Variants in DAB1 observed in about 807,000 individuals in gnomAD.
DAB1 encodes the protein disabled homolog 1.
In DAB1, 15 loss-of-function variants were observed where a neutral mutation model predicts 64.6. That is an observed-to-expected ratio of 0.23 (90% CI 0.16 to 0.36). The LOEUF (loss-of-function observed/expected upper bound fraction) is 0.36. DAB1 is among the 10% of genes least tolerant of loss of function. The pLI is 1.00. For missense variants in DAB1, 596 were observed against 706.7 expected, an observed-to-expected ratio of 0.84 and a Z score of 1.78; for synonymous variants, 235 against 251.9, an observed-to-expected ratio of 0.93 and a Z score of 0.64.
intron 5 of DAB1, among the ~76,000 whole-genome samples, chr1:58,146,337 G>A (rs977397743): frequency 3.9e-5 from 6 of 152,014 alleles, no homozygotes; most frequent in African/African-American, 7.2e-5. Context: ...AATAGTTACC[G>A]TGTGTGTGTG....
intron 7 of DAB1, among the ~76,000 whole-genome samples, chr1:57,463,418 T>C (rs976710871): frequency 6.6e-6 from 1 of 152,212 alleles, no homozygotes; most frequent in Non-Finnish European, 1.5e-5. Flanking sequence ...AGGGGTCTTA[T>C]GTTTTTTATT....
intron 2 of DAB1, among the ~76,000 whole-genome samples, chr1:57,190,846 T>C (rs756204291): frequency 2.0e-5 from 3 of 152,208 alleles, no homozygotes; most frequent in Non-Finnish European, 2.9e-5. Context: ...TCCAGTAATT[T>C]AATCCTCTAA....
intron 9 of DAB1, among the ~76,000 whole-genome samples, chr1:57,031,097 G>C (rs1272525359): frequency 6.6e-6 from 1 of 152,058 alleles, no homozygotes; most frequent in African/African-American, 2.4e-5. Flanking sequence ...CTTTCCTTTT[G>C]CCAGATGATT....
intron 5 of DAB1, among the ~76,000 whole-genome samples, chr1:57,973,587 T>C (rs541273896): frequency 1.3e-5 from 2 of 152,262 alleles, no homozygotes; most frequent in East Asian, 1.9e-4. Context: ...AAATGATACT[T>C]CTTATACACA....
At chr1:58,479,262 A>G (rs1645449343) in intron 3 of DAB1, among the ~76,000 whole-genome samples, 1 of 152,188 alleles carries the variant, frequency 6.6e-6, no homozygotes, top group Non-Finnish European at 1.5e-5. Flanking sequence ...TATGTTATGG[A>G]GTGCCTTTTA....
chr1:57,836,486 C>G (rs1652814303), intron 1 of DAB1, among the ~76,000 whole-genome samples: 1 of 152,174 alleles, frequency 6.6e-6, no homozygotes, highest in African/African-American at 2.4e-5. Context: ...TCCACTCACT[C>G]TGGTTCAAAA....
At chr1:57,352,753 C>T (rs1041533395) in intron 1 of DAB1, among the ~76,000 whole-genome samples, 4 of 152,016 alleles carry the variant, frequency 2.6e-5, no homozygotes, top group Non-Finnish European at 5.9e-5. Flanking sequence ...TTTTTGGTGT[C>T]AATTTGGAGG....
At chr1:57,055,689 G>A (rs910094884) in intron 9 of DAB1, among the ~76,000 whole-genome samples, 7 of 152,196 alleles carry the variant, frequency 4.6e-5, no homozygotes, top group Non-Finnish European at 5.9e-5. Context: ...TCTGTTGATG[G>A]AAGAGTGATG....
At chr1:57,213,614 T>C (rs1557951409) in intron 2 of DAB1, among the ~76,000 whole-genome samples, 1 of 152,188 alleles carries the variant, frequency 6.6e-6, no homozygotes, top group Non-Finnish European at 1.5e-5. Flanking sequence ...TCTACCTCCA[T>C]CTTTTTCTCC....
intron 5 of DAB1, among the ~76,000 whole-genome samples, chr1:57,928,097 G>A (rs1644905104): frequency 6.6e-6 from 1 of 151,954 alleles, no homozygotes; most frequent in African/African-American, 2.4e-5. Context: ...TATATACAAT[G>A]AAATGCACAA....
intron 6 of DAB1, among the ~76,000 whole-genome samples, chr1:57,769,657 T>C (rs770735564): frequency 4.6e-5 from 7 of 152,192 alleles, no homozygotes; most frequent in Non-Finnish European, 8.8e-5. Flanking sequence ...GTCCTGTTGG[T>C]GAGTGCCTGA....
chr1:58,545,798 G>A (rs1347655365), intron 1 of DAB1, among the ~76,000 whole-genome samples: 1 of 152,098 alleles, frequency 6.6e-6, no homozygotes, highest in East Asian at 1.9e-4. Flanking sequence ...CTGTCAGATT[G>A]GCAAAAATAG....
At chr1:57,529,808 C>T (rs981356422) in intron 7 of DAB1, among the ~76,000 whole-genome samples, 9 of 152,140 alleles carry the variant, frequency 5.9e-5, no homozygotes, top group African/African-American at 2.2e-4. Context: ...GTAACTCTCA[C>T]TCCTCCTTGT....
intron 12 of DAB1, among the ~76,000 whole-genome samples, chr1:57,011,692 T>G (rs1398874474): frequency 6.6e-6 from 1 of 152,260 alleles, no homozygotes; most frequent in Non-Finnish European, 1.5e-5. Flanking sequence ...TCTTTCTGTG[T>G]TTCATCAGAG....
At chr1:58,262,724 C>T (rs1288585539) in intron 4 of DAB1, among the ~76,000 whole-genome samples, 6 of 152,170 alleles carry the variant, frequency 3.9e-5, no homozygotes, top group African/African-American at 1.2e-4. Context: ...ATTTTTGGCA[C>T]GTTAGGCACA....
At chr1:58,316,623 G>A (rs1263363410) in intron 4 of DAB1, among the ~76,000 whole-genome samples, 2 of 152,138 alleles carry the variant, frequency 1.3e-5, no homozygotes, top group African/African-American at 4.8e-5. Context: ...TCTGAAGGAG[G>A]GATGCTTGTG....
chr1:57,479,393 T>G (rs991769535), intron 7 of DAB1, among the ~76,000 whole-genome samples: 1 of 150,820 alleles, frequency 6.6e-6, no homozygotes, highest in East Asian at 1.9e-4. Flanking sequence ...GGTTACTAAA[T>G]AAAAGAACTG....
Position 57,207,598 on chromosome 1 carries a change from T to C in DAB1, c.68-62169A>G, listed in dbSNP as rs372172212. Among the ~76,000 whole-genome samples the C allele has an allele frequency of 8.8e-5, 13 of 148,346 alleles. No homozygotes were observed. In the East Asian group the frequency reaches 1.4e-3, roughly 16 times the overall value. The stretch of plus-strand genomic sequence containing the variant: ...AGCTGGGACTACAGGCGCCCGCCAC[T>C]ACGCCCAGCTAATTTTTTGTATTTT... On this transcript the variant is annotated intron_variant, in intron 2 of 14. Coordinates refer to ENST00000371236, the MANE Select transcript of DAB1 (RefSeq NM_001365792.1).
intron 9 of DAB1, among the ~76,000 whole-genome samples, chr1:57,055,307 C>T (rs559501575): frequency 1.8e-4 from 28 of 152,262 alleles, no homozygotes; most frequent in Admixed American, 9.2e-4. Context: ...ATAGCATGAC[C>T]TTGAGAACAA....
Sources: gnomAD v4.1 joint callset for allele counts (sites outside exome capture counted in the v4.1 genomes callset) on GRCh38, gnomAD v4.1.1 for gene constraint, MANE v1.5 for transcripts, NCBI Gene and HGNC (gene_info 2026-07-23, HGNC 2026-07-21) for gene names.